GLRA1: variants seen among roughly 807,000 people sequenced by gnomAD.
GLRA1 encodes the protein glycine receptor alpha 1.
Under a neutral mutation model 48.3 loss-of-function variants are expected in GLRA1, and 37 were observed. That is an observed-to-expected ratio of 0.77 (90% confidence interval 0.59 to 1.01). The LOEUF is 1.01. Among genes scored for constraint, GLRA1 ranks in the 50% least tolerant of loss-of-function variants. The pLI, the probability that GLRA1 is intolerant of heterozygous loss-of-function variation, is 0.00. For missense variants in GLRA1, 427 were observed against 571.0 expected, an observed-to-expected ratio of 0.75 and a Z score of 2.57; for synonymous variants, 196 against 210.7, an observed-to-expected ratio of 0.93 and a Z score of 0.60.
At chr5:151,880,594 T>A (rs62394158) in intron 3 of GLRA1, among the ~76,000 whole-genome samples, 13 of 25,662 alleles carry the variant, frequency 5.1e-4, no homozygotes, top group Admixed American at 1.5e-3. Context: ...CAACACACAC[T>A]CTCTCTCTCT....
At chr5:151,832,830 C>T (rs561794035) in intron 7 of GLRA1, among the ~76,000 whole-genome samples, 11 of 152,166 alleles carry the variant, frequency 7.2e-5, no homozygotes, top group South Asian at 2.1e-4. Flanking sequence ...GAAGACCAAC[C>T]GCAAGACACA....
intron 7 of GLRA1, among the ~76,000 whole-genome samples, chr5:151,848,405 T>C (rs1752735866): frequency 6.6e-6 from 1 of 152,154 alleles, no homozygotes; most frequent in Non-Finnish European, 1.5e-5. Flanking sequence ...CTCACTCTGT[T>C]GCCCAGGCTG....
chr5:151,883,629 G>A (rs1156611901), intron 3 of GLRA1, among the ~76,000 whole-genome samples: 1 of 152,248 alleles, frequency 6.6e-6, no homozygotes, highest in Non-Finnish European at 1.5e-5. Flanking sequence ...TGCTGAAAAT[G>A]ATAAATGGCA....
At chr5:151,868,235 C>A (rs75540515) in intron 3 of GLRA1, among the ~76,000 whole-genome samples, 7,172 of 152,214 alleles carry the variant, frequency 0.047, 592 homozygotes, top group African/African-American at 0.16. Context: ...AACCTGCATG[C>A]AGGAATCCTG....
chr5:151,901,155 A>T (rs1754357052), intron 1 of GLRA1, among the ~76,000 whole-genome samples: 1 of 152,196 alleles, frequency 6.6e-6, no homozygotes, highest in Non-Finnish European at 1.5e-5. Flanking sequence ...AATGTCTTGG[A>T]CCACTGGCCT....
At chr5:151,896,690 G>C (rs754243408) in intron 1 of GLRA1, among the ~76,000 whole-genome samples, 1 of 152,066 alleles carries the variant, frequency 6.6e-6, no homozygotes, top group Non-Finnish European at 1.5e-5. Flanking sequence ...CACAATTTTT[G>C]CCGTTTGTTC....
intron 1 of GLRA1, among the ~76,000 whole-genome samples, chr5:151,910,676 A>G (rs893287045): frequency 3.3e-5 from 5 of 152,232 alleles, no homozygotes; most frequent in Non-Finnish European, 5.9e-5. Context: ...TTCCTCAACT[A>G]TAACAAGAAA....
intron 4 of GLRA1, among the ~76,000 whole-genome samples, chr5:151,856,836 A>C (rs1753059906): frequency 6.6e-6 from 1 of 152,170 alleles, no homozygotes; most frequent in Non-Finnish European, 1.5e-5. Flanking sequence ...CATGATTTTC[A>C]TATATAGAAA....
chr5:151,855,447 T>G (rs1199295518), intron 5 of GLRA1, among the ~76,000 whole-genome samples: 1 of 152,184 alleles, frequency 6.6e-6, no homozygotes, highest in Non-Finnish European at 1.5e-5. Flanking sequence ...GCAGTGGACA[T>G]CTGCTATTTT....
At chr5:151,844,154 A>G (rs1752602515) in intron 7 of GLRA1, among the ~76,000 whole-genome samples, 1 of 145,960 alleles carries the variant, frequency 6.9e-6, no homozygotes, top group Non-Finnish European at 1.5e-5. Flanking sequence ...TGGGTGACAG[A>G]GTGAGACTAT....
rs140871756 is a variant in GLRA1 at position 151,855,691 on chromosome 5, G to T, written c.560-514C>A. On this transcript the variant is annotated intron_variant, in intron 5 of 8. Transcript: ENST00000274576. ...TGTGCTGATTCCCCTCACGGGTAGT[G>T]CTCCAAGGAAATGGTCCATTAGTTC... is the stretch of plus-strand genomic sequence containing the variant. Among the ~76,000 whole-genome samples, 30 of 152,304 alleles carry T rather than the reference G, an allele frequency of 2.0e-4. 1 individual carries two copies. Among genetic ancestry groups the T allele is most frequent in the Middle Eastern group, 3.4e-3 (1 of 294 alleles).
intron 3 of GLRA1, among the ~76,000 whole-genome samples, chr5:151,882,979 A>T (rs535915373): frequency 6.6e-6 from 1 of 152,228 alleles, no homozygotes; most frequent in East Asian, 1.9e-4. Context: ...ATTTTGTTGA[A>T]AGTTGCAGGT....
In GLRA1 at chr5:151,859,989, A is replaced by C; in HGVS notation, c.272T>G (p.Phe91Cys). 1 of 1,613,802 alleles carries C rather than the reference A, an allele frequency of 6.2e-7. No homozygotes were observed. Among genetic ancestry groups the C allele is most frequent in the Admixed American group, 1.7e-5 (1 of 60,016 alleles). The change falls in exon 4 of 9, where the codon TTC becomes TGC. Residue 91 changes from phenylalanine (F) to cysteine (C), a missense_variant. Phe to Cys is a radical substitution (Grantham distance 205). This residue lies in a region of GLRA1 where 271 missense variants were observed against 434.9 expected (regional missense o/e 0.62). Coordinates refer to ENST00000274576, the MANE Select transcript of GLRA1 (RefSeq NM_000171.4). The stretch of plus-strand genomic sequence containing the variant: ...GGGGTCGTTCCATTGCTGCCGCAGG[A>C]AGATGTTGACCCTATAGTCCTACAG... ...ETTMDYRVNI[F>C]LRQQWNDPRL...
At chr5:151,893,360 C>CTTTCTTTCTTT (rs1754147012) in intron 1 of GLRA1, among the ~76,000 whole-genome samples, 2 of 97,040 alleles carry the variant, frequency 2.1e-5, no homozygotes, top group Non-Finnish European at 4.4e-5. Flanking sequence ...TTCTTTCTTT[C>CTTTCTTTCTTT]ATTTTAGTTC....
intron 7 of GLRA1, among the ~76,000 whole-genome samples, chr5:151,835,998 T>A (rs901775659): frequency 4.0e-5 from 6 of 151,468 alleles, no homozygotes; most frequent in African/African-American, 1.4e-4. Context: ...GGTATTTAAA[T>A]AGGAAGAGAG....
chr5:151,850,148 G>A (rs1382835517), intron 7 of GLRA1: 1 of 1,603,890 alleles, frequency 6.2e-7, no homozygotes, highest in Non-Finnish European at 8.5e-7. Flanking sequence ...CAGGACCCCA[G>A]GGTCCATATT....
intron 3 of GLRA1, among the ~76,000 whole-genome samples, chr5:151,879,741 T>G (rs1160897180): frequency 6.6e-6 from 1 of 152,186 alleles, no homozygotes; most frequent in African/African-American, 2.4e-5. Flanking sequence ...TTTGAATTAG[T>G]GCTGAAATGA....
At chr5:151,905,296 C>T (rs1754449926) in intron 1 of GLRA1, among the ~76,000 whole-genome samples, 1 of 152,020 alleles carries the variant, frequency 6.6e-6, no homozygotes. Flanking sequence ...TGCTAAATTT[C>T]TTCCAGGTTT....
At chr5:151,904,634 C>G (rs181920184) in intron 1 of GLRA1, among the ~76,000 whole-genome samples, 191 of 152,300 alleles carry the variant, frequency 1.3e-3, no homozygotes, top group African/African-American at 4.5e-3. Context: ...TCAAATCAGG[C>G]TCTGGCTTTT....
Sources: allele counts gnomAD v4.1 joint callset (sites outside exome capture counted in the v4.1 genomes callset), GRCh38; gene constraint gnomAD v4.1.1; regional missense constraint gnomAD v4.1.1; transcripts MANE v1.5; gene names NCBI Gene and HGNC (gene_info 2026-07-23, HGNC 2026-07-21).